Variants in KRT32 observed in about 807,000 individuals in gnomAD.
KRT32 encodes the protein keratin, type I cuticular Ha2.
In KRT32, 44 loss-of-function variants were observed where a neutral mutation model predicts 41.8. That is an observed-to-expected ratio of 1.05 (90% confidence interval 0.83 to 1.35). The LOEUF (loss-of-function observed/expected upper bound fraction) is 1.35. Ranked by LOEUF, KRT32 falls within the 40% of genes most tolerant of loss-of-function variation. The pLI, the probability that KRT32 is intolerant of heterozygous loss-of-function variation, is 0.00. For synonymous variants in KRT32, 238 were observed against 242.5 expected, an observed-to-expected ratio of 0.98 and a Z score of 0.17; for missense variants, 576 against 584.6, an observed-to-expected ratio of 0.99 and a Z score of 0.15.
At chr17:41,464,578 A>T (rs1311111630) in intron 3 of KRT32, 135 bp from the exon 4 acceptor site, 1 of 739,304 alleles carries the variant, frequency 1.4e-6, no homozygotes, top group Non-Finnish European at 2.0e-6. Context: ...ACTGCAGTCC[A>T]CTCAGCAGCA....
At position 41,464,436 on chromosome 17, in the gene KRT32, C is replaced by T. The variant is rs761717124; in HGVS notation, c.716G>A (p.Gly239Asp). 8 of 1,557,912 alleles carry T rather than the reference C, an allele frequency of 5.1e-6. No individual in the cohort carries two copies. The highest frequency in any genetic ancestry group is 1.7e-4 in the Middle Eastern group (1 of 5,834). ...GTCCCCAAGCTGGCATCGAAGGGAA[C>T]CGACTTCCTGAAAAGGCACAAGACC... Reference protein sequence around the residue: ...CLKKNHEEEVGSLRCQLGDRL... With the variant: ...CLKKNHEEEVDSLRCQLGDRL... Residue 239 changes from glycine (G) to aspartate (D), a missense_variant, in exon 4 of 7, where the codon GGT becomes GAT. By Grantham distance (94) the Gly-to-Asp change is moderately conservative. Coordinates refer to ENST00000225899, the MANE Select transcript of KRT32 (RefSeq NM_002278.3).
rs2071563 is a variant in KRT32, at chr17:41,462,863, G to A, written c.1184C>T (p.Thr395Met). The A allele has an allele frequency of 0.38, 619,199 of 1,613,082 alleles. 119,823 individuals are homozygous for A. Among genetic ancestry groups the A allele is most frequent in the African/African-American group, 0.42 (31,290 of 74,834 alleles). Residue 395 changes from threonine to methionine, a missense_variant, in exon 6 of 7, where the codon ACG becomes ATG. By Grantham distance (81) the Thr-to-Met change is moderately conservative. Transcript: ENST00000225899. Reference sequence around the variant, plus strand: ...CTCGTTCTCCAGCAGGCTCCGGTACGTGTTGATCTCGCCCTCCAGCCGGGC... The same window carrying A: ...CTCGTTCTCCAGCAGGCTCCGGTACATGTTGATCTCGCCCTCCAGCCGGGC... ...VRARLEGEIN[T>M]YRSLLENEDC... is the part of the protein sequence containing the mutation.
rs1218032078 is a variant in KRT32, at chr17:41,464,114, G to A, written c.960C>T (p.Asn320=). Reference sequence around the variant, plus strand: ...GGGCCTGCAGCTCGATCTCCAGCGTGTTGACCGTGCGTCTCAGGTCAATGA... The same window carrying A: ...GGGCCTGCAGCTCGATCTCCAGCGTATTGACCGTGCGTCTCAGGTCAATGA... ...SDIIDLRRTV[N]TLEIELQAQH... is the part of the protein sequence containing the mutation. Residue 320 remains asparagine, a synonymous_variant, in exon 5 of 7, where the codon AAC becomes AAT. Transcript: ENST00000225899. 6.2e-7 allele frequency: 1 copy of A among 1,611,592 alleles called. No individual in the cohort carries two copies. Among genetic ancestry groups the A allele is most frequent in the Non-Finnish European group, 8.5e-7 (1 of 1,178,620 alleles).
intron 6 of KRT32, among the ~76,000 whole-genome samples, chr17:41,461,107 C>T (rs1384600917): frequency 2.6e-5 from 4 of 152,146 alleles, no homozygotes; most frequent in African/African-American, 7.2e-5. Context: ...AAGAGCTCAA[C>T]TCAACTCTCA....
intron 6 of KRT32, among the ~76,000 whole-genome samples, chr17:41,460,771 A>G (rs1254605046): frequency 2.6e-5 from 4 of 152,194 alleles, no homozygotes; most frequent in Non-Finnish European, 5.9e-5. Flanking sequence ...AACCTAGATG[A>G]CGGGTTGATA....
rs369299043 is a variant in KRT32 at position 41,464,268 on chromosome 17, C to A, written c.870+14G>T. On this transcript the variant is annotated intron_variant, in intron 4 of 6. Coordinates refer to ENST00000225899, the MANE Select transcript of KRT32 (RefSeq NM_002278.3). Reference sequence around the variant, plus strand: ...GGGATATGGAGGAGGCCATCCCCACCGTGAGAGGCCCACCTGCATATTGAA... The same window carrying A: ...GGGATATGGAGGAGGCCATCCCCACAGTGAGAGGCCCACCTGCATATTGAA... The A allele has an allele frequency of 6.9e-6, 11 of 1,586,596 alleles. No individual in the cohort carries two copies. The highest frequency in any genetic ancestry group is 6.9e-5 in the South Asian group (6 of 86,712).
intron 5 of KRT32, 55 bp downstream of exon 5, chr17:41,464,023 A>G: frequency 1.4e-6 from 2 of 1,468,500 alleles, no homozygotes; most frequent in Non-Finnish European, 1.8e-6. Context: ...ACCTGCACCT[A>G]TGCTCAGTAC....
chr17:41,465,112 G>A (rs556836856), intron 3 of KRT32, among the ~76,000 whole-genome samples: 6 of 152,280 alleles, frequency 3.9e-5, no homozygotes, highest in Admixed American at 3.9e-4. Context: ...TGGCTCAGGT[G>A]GGCTTGGCAG....
Position 41,466,927 on chromosome 17 carries a change from G to A in KRT32, c.399C>T (p.His133=), listed in dbSNP as rs1299366512. The part of the protein sequence containing the change: ...ELESRIQEAS[H]SQVLTMTPDY... ...CAGGAGTCATGGTGAGCACCTGGGA[G>A]TGAGAGGCCTCTTGGATCCTGCTCT... The change falls in exon 1 of 7, where the codon CAC becomes CAT. Residue 133 remains histidine, a synonymous_variant. Coordinates refer to ENST00000225899, the MANE Select transcript of KRT32 (RefSeq NM_002278.3). The A allele has an allele frequency of 3.1e-6, 5 of 1,614,248 alleles. No individual in the cohort carries two copies. Among genetic ancestry groups the A allele is most frequent in the South Asian group, 1.1e-5 (1 of 91,088 alleles).
chr17:41,464,570 T>G, intron 3 of KRT32, 127 bp from the exon 4 acceptor site: 1 of 821,862 alleles, frequency 1.2e-6, no homozygotes, highest in Non-Finnish European at 1.8e-6. Flanking sequence ...CCCTAAGGAC[T>G]GCAGTCCACT....
rs555643784 is a variant in KRT32 at position 41,464,538 on chromosome 17, A to G, written c.709-95T>C. 1.9e-5 allele frequency: 23 copies of G among 1,242,076 alleles called. No homozygotes were observed. In the South Asian group the frequency reaches 3.6e-4, roughly 20 times the overall value. 76.9% of individuals were successfully genotyped at this position (1,242,076 alleles called of 1,614,324 possible). A position where few individuals can be genotyped will look rare whatever the true frequency, so the allele number is the denominator to read the frequency against. ...ATGAAAAGATGCAACAAAAGTTGCTAAAGATTGAAACATTAGATGGCCCCT... is the reference window on the plus strand; with the variant it reads ...ATGAAAAGATGCAACAAAAGTTGCTGAAGATTGAAACATTAGATGGCCCCT... On this transcript the variant is annotated intron_variant, in intron 3 of 6. Transcript: ENST00000225899.
At position 41,467,327 on chromosome 17, in the gene KRT32, T is replaced by G. The variant is rs1273022568; in HGVS notation, c.-2A>C. On this transcript the variant is annotated 5_prime_UTR_variant, in exon 1 of 7. Transcript: ENST00000225899. ...GGTGACACAGCAGGAGGATGTCATGTTGGAGAGGCCCTTTCTCCTCAGCCA... is the reference window on the plus strand; with the variant it reads ...GGTGACACAGCAGGAGGATGTCATGGTGGAGAGGCCCTTTCTCCTCAGCCA... 3.7e-6 allele frequency: 6 copies of G among 1,600,254 alleles called. No individual in the cohort carries two copies. Among genetic ancestry groups the G allele is most frequent in the Non-Finnish European group, 5.1e-6 (6 of 1,172,390 alleles).
At chr17:41,464,054 G>T in intron 5 of KRT32, 24 bp downstream of exon 5, 7 of 1,549,524 alleles carry the variant, frequency 4.5e-6, no homozygotes, top group South Asian at 1.3e-5. Context: ...CCGGAGGGAT[G>T]GGTGCCCACC....
chr17:41,462,882 G>T lies in KRT32; in HGVS notation c.1165C>A (p.Leu389Met), dbSNP rs375961661. Residue 389 changes from leucine to methionine, a missense_variant, in exon 6 of 7, where the codon CTG becomes ATG. By Grantham distance (15) the Leu-to-Met change is conservative. Coordinates refer to ENST00000225899, the MANE Select transcript of KRT32 (RefSeq NM_002278.3). ...CGGTACGTGTTGATCTCGCCCTCCA[G>T]CCGGGCCCGGACGTCCAGCAGCACC... ...YQVLLDVRARLEGEINTYRSL... is the reference protein window; with the variant it reads ...YQVLLDVRARMEGEINTYRSL... 147 of 1,576,252 alleles carry T rather than the reference G, an allele frequency of 9.3e-5. No individual in the cohort carries two copies. Among genetic ancestry groups the T allele is most frequent in the Non-Finnish European group, 1.2e-4 (144 of 1,160,856 alleles).
intron 6 of KRT32, among the ~76,000 whole-genome samples, chr17:41,462,223 C>T (rs2144447033): frequency 6.6e-6 from 1 of 152,292 alleles, no homozygotes; most frequent in Non-Finnish European, 1.5e-5. Flanking sequence ...ACAATTTCCA[C>T]TCACCTATAA....
chr17:41,464,055 G>C (rs779690704), intron 5 of KRT32, 23 bp downstream of exon 5: 1 of 1,549,980 alleles, frequency 6.5e-7, no homozygotes, highest in Admixed American at 1.9e-5. Flanking sequence ...CGGAGGGATG[G>C]GTGCCCACCC....
rs2018981908 is a variant in KRT32 at position 41,459,918 on chromosome 17, T to G, written c.*192A>C. The G allele has an allele frequency of 1.9e-6, 1 of 520,164 alleles. No individual in the cohort carries two copies. Among genetic ancestry groups the G allele is most frequent in the Middle Eastern group, 5.1e-4 (1 of 1,950 alleles). The allele number at this position is 520,164 out of a possible 1,614,324, so 32.2% of individuals were successfully genotyped here. On this transcript the variant is annotated 3_prime_UTR_variant, in exon 7 of 7. Coordinates refer to ENST00000225899, the MANE Select transcript of KRT32 (RefSeq NM_002278.3). ...ATCACCAAAGAGAACAGTTCACCCA[T>G]GGAAAAAAGAGGCAGTTTTGAAGTG...
chr17:41,465,966 A>G (rs1302158689), intron 2 of KRT32, 37 bp from the exon 3 acceptor site: 3 of 1,605,110 alleles, frequency 1.9e-6, no homozygotes, highest in African/African-American at 2.7e-5. Flanking sequence ...AGGGTGAAAC[A>G]GAATGCAGAA....
Position 41,459,842 on chromosome 17 carries a change from C to T in KRT32, c.*268G>A. On this transcript the variant is annotated 3_prime_UTR_variant, in exon 7 of 7. Coordinates refer to ENST00000225899, the MANE Select transcript of KRT32 (RefSeq NM_002278.3). Reference sequence around the variant, plus strand: ...AGGCCACTGAGTACAGCTCTATTTGCCAGTTAACTAAGAACACACGCTCTT... The same window carrying T: ...AGGCCACTGAGTACAGCTCTATTTGTCAGTTAACTAAGAACACACGCTCTT... The T allele has an allele frequency of 3.3e-6, 1 of 300,886 alleles. No individual in the cohort carries two copies. The allele number at this position is 300,886 out of a possible 1,614,324, so 18.6% of individuals were successfully genotyped here. A position where few individuals can be genotyped will look rare whatever the true frequency, so the allele number is the denominator to read the frequency against.
Sources: gnomAD v4.1 joint callset for allele counts (sites outside exome capture counted in the v4.1 genomes callset) on GRCh38, gnomAD v4.1.1 for gene constraint, MANE v1.5 for transcripts, NCBI Gene and HGNC (gene_info 2026-07-23, HGNC 2026-07-21) for gene names.